The following MED13 variants were observed in gnomAD, a reference collection of about 807,000 sequenced individuals.
MED13 encodes the protein mediator of RNA polymerase II transcription subunit 13.
Under a neutral mutation model 225.2 loss-of-function variants are expected in MED13, and 23 were observed. The ratio of observed to expected loss-of-function variants is 0.10; its 90% CI spans 0.07 to 0.14. The LOEUF is 0.14. Among genes scored for constraint, MED13 ranks in the 10% least tolerant of loss-of-function variants. MED13 has a pLI of 1.00. For missense variants in MED13, 2,197 were observed against 2,594.5 expected, an observed-to-expected ratio of 0.85 and a Z score of 3.33; for synonymous variants, 942 against 889.2, an observed-to-expected ratio of 1.06 and a Z score of -1.06.
In MED13 at chr17:61,946,227, G is replaced by T; in HGVS notation, c.*241C>A. The T allele has an allele frequency of 5.7e-6, 2 of 352,738 alleles. No homozygotes were observed. Among genetic ancestry groups the T allele is most frequent in the Non-Finnish European group, 1.0e-5 (2 of 198,734 alleles). 21.9% of individuals were successfully genotyped at this position (352,738 alleles called of 1,614,324 possible). On this transcript the variant is annotated 3_prime_UTR_variant, in exon 30 of 30. Transcript: ENST00000397786. ...ACTGGAAAAAAAAAAGGTTAATTTT[G>T]CTACGAAAATGTTATAATACGTTTT...
intron 2 of MED13, among the ~76,000 whole-genome samples, chr17:62,062,019 C>T (rs1234203183): frequency 6.6e-6 from 1 of 152,092 alleles, no homozygotes; most frequent in East Asian, 1.9e-4. Context: ...GTTGGTCTTA[C>T]TAAGTACCAG....
In MED13 at chr17:62,002,582, T is replaced by C. The variant is rs544029904; in HGVS notation, c.1968-7217A>G. Among the ~76,000 whole-genome samples, 6 of 151,924 alleles carry C rather than the reference T, an allele frequency of 3.9e-5. 1 individual carries two copies. In the East Asian group the frequency reaches 5.8e-4, roughly 15 times the overall value. On this transcript the variant is annotated intron_variant, in intron 9 of 29. Coordinates refer to ENST00000397786, the MANE Select transcript of MED13 (RefSeq NM_005121.3). Reference sequence around the variant, plus strand: ...AGGGAACATCATCTAACTTTGTCAATTGGCTGTACCACTTTCTACAAGGAG... The same window carrying C: ...AGGGAACATCATCTAACTTTGTCAACTGGCTGTACCACTTTCTACAAGGAG...
In MED13 at chr17:61,962,852, C is replaced by G. The variant is rs919756115; in HGVS notation, c.4964G>C (p.Ser1655Thr). Reference protein sequence around the residue: ...DPFTYENTDESTNSSSVWTLG... With the variant: ...DPFTYENTDETTNSSSVWTLG... ...TGTCCACACACTAGAAGAGTTAGTG[C>G]TCTCGTCTGTATTTTCGTATGTAAA... The change falls in exon 21 of 30, where the codon AGC becomes ACC. Residue 1655 changes from serine to threonine, a missense_variant. Around this residue, in one of 12 missense-constraint regions of MED13, gnomAD observed 457 missense variants for 442.2 expected, o/e 1.03. Coordinates refer to ENST00000397786, the MANE Select transcript of MED13 (RefSeq NM_005121.3). The G allele has an allele frequency of 3.1e-6, 5 of 1,613,972 alleles. No individual in the cohort carries two copies. In the African/African-American group the frequency reaches 5.3e-5, roughly 17 times the overall value.
At chr17:61,991,876 C>T (rs2080302562) in intron 11 of MED13, among the ~76,000 whole-genome samples, 1 of 152,092 alleles carries the variant, frequency 6.6e-6, no homozygotes, top group Non-Finnish European at 1.5e-5. Flanking sequence ...GAACTCCTGA[C>T]CTCAAGTGAT....
At chr17:61,981,968 C>G (rs1019074910) in intron 16 of MED13, among the ~76,000 whole-genome samples, 137 of 152,276 alleles carry the variant, frequency 9.0e-4, no homozygotes, top group African/African-American at 3.1e-3. Context: ...ATGTGCCTTT[C>G]ATATTCCTAC....
chr17:61,963,202 C>CAAAATAAA (rs2080019882), intron 20 of MED13, among the ~76,000 whole-genome samples: 1 of 55,770 alleles, frequency 1.8e-5, no homozygotes, highest in Non-Finnish European at 3.0e-5. Flanking sequence ...TTAAATTTAC[C>CAAAATAAA]AAAAAAAAAA....
At chr17:62,015,954 ATTTTTTTTT>A (rs869061252) in intron 8 of MED13, among the ~76,000 whole-genome samples, 602 of 12,822 alleles carry the variant, frequency 0.047, 42 homozygotes, top group Admixed American at 0.063. Flanking sequence ...ATATATATAT[ATTTTTTTTT>A]TTTTTTTTTT....
chr17:61,995,803 A>ATT (rs1003675823), intron 9 of MED13, among the ~76,000 whole-genome samples: 1 of 148,932 alleles, frequency 6.7e-6, no homozygotes, highest in Admixed American at 6.7e-5. Flanking sequence ...GTGATTATGT[A>ATT]TTTTTTTTTT....
Position 61,952,182 on chromosome 17 carries a change from C to A in MED13, c.6117+783G>T, listed in dbSNP as rs758426881. On this transcript the variant is annotated intron_variant, in intron 27 of 29. Transcript: ENST00000397786. ...TGCTGGGATTACAGACGTGAGCCAC[C>A]GCGCCCAGCCCAGTATATATAATTT... is the stretch of plus-strand genomic sequence containing the variant. Among the ~76,000 whole-genome samples, 7 of 151,944 alleles carry A rather than the reference C, an allele frequency of 4.6e-5. No individual in the cohort carries two copies. The East Asian group carries it at 5.8e-4, about 13-fold the overall frequency.
chr17:62,042,589 A>C (rs1338384204), intron 3 of MED13, among the ~76,000 whole-genome samples: 2 of 151,024 alleles, frequency 1.3e-5, no homozygotes, highest in Non-Finnish European at 3.0e-5. Flanking sequence ...AACCAAAAAA[A>C]CCCCACAAAA....
chr17:62,029,751 A>G (rs1423017809), intron 7 of MED13, 100 bp from the exon 8 acceptor site: 1 of 1,507,908 alleles, frequency 6.6e-7, no homozygotes, highest in Admixed American at 2.0e-5. Context: ...ATTATGAGTT[A>G]AAGAAAAATC....
In MED13 at chr17:61,950,982, C is replaced by T; in HGVS notation, c.6134G>A (p.Arg2045Gln). 3 of 1,612,630 alleles carry T rather than the reference C, an allele frequency of 1.9e-6. No individual in the cohort carries two copies. Among genetic ancestry groups the T allele is most frequent in the Non-Finnish European group, 2.5e-6 (3 of 1,179,220 alleles). Residue 2045 changes from arginine (R) to glutamine (Q), a missense_variant, in exon 28 of 30, where the codon CGG becomes CAG. Transcript: ENST00000397786. ...GDAGKGQSTD[R>Q]LLSTEPHEEV... is the part of the protein sequence containing the mutation. ...CTCATGAGGTTCTGTTGATAGTAGC[C>T]GATCAGTACTCTGACCCTTAAAAAG...
At chr17:61,953,991 C>T (rs951870144) in intron 26 of MED13, among the ~76,000 whole-genome samples, 3 of 151,948 alleles carry the variant, frequency 2.0e-5, no homozygotes, top group Non-Finnish European at 2.9e-5. Context: ...AGATTAACAA[C>T]GAGAATATTA....
chr17:61,973,044 A>G (rs2080123280), intron 16 of MED13, among the ~76,000 whole-genome samples, 156 bp from the exon 17 acceptor site: 1 of 152,250 alleles, frequency 6.6e-6, no homozygotes, highest in Non-Finnish European at 1.5e-5. Context: ...TAAGTTCTAC[A>G]AGATGATCTG....
intron 28 of MED13, among the ~76,000 whole-genome samples, chr17:61,948,711 C>G (rs978541914): frequency 6.6e-5 from 10 of 151,552 alleles, no homozygotes; most frequent in African/African-American, 2.2e-4. Context: ...CAGGTGTGAG[C>G]CACTGCACCC....
At chr17:62,015,853 T>C (rs1182366234) in intron 8 of MED13, among the ~76,000 whole-genome samples, 1 of 106,930 alleles carries the variant, frequency 9.4e-6, no homozygotes, top group Non-Finnish European at 1.9e-5. Context: ...ACTATATATA[T>C]GTGTATAGTG....
chr17:62,035,811 G>A (rs1324713031), intron 3 of MED13, among the ~76,000 whole-genome samples: 1 of 152,146 alleles, frequency 6.6e-6, no homozygotes, highest in Non-Finnish European at 1.5e-5. Context: ...AGTAGGAAAG[G>A]CTGCAAATAC....
chr17:62,043,986 C>A (rs1179939493), intron 3 of MED13, among the ~76,000 whole-genome samples: 1 of 151,928 alleles, frequency 6.6e-6, no homozygotes, highest in Non-Finnish European at 1.5e-5. Flanking sequence ...CCATAAAAAA[C>A]CTAACAGCAA....
intron 3 of MED13, among the ~76,000 whole-genome samples, chr17:62,048,043 C>CATATACATATATATATATATATAT (rs776069700): frequency 2.3e-5 from 3 of 131,140 alleles, no homozygotes; most frequent in African/African-American, 5.6e-5. Flanking sequence ...TATACATATA[C>CATATACATATATATATATATATAT]ATATATATAT....
Sources: gnomAD v4.1 joint callset for allele counts (sites outside exome capture counted in the v4.1 genomes callset) on GRCh38, gnomAD v4.1.1 for gene constraint, gnomAD v4.1.1 regional missense constraint, MANE v1.5 for transcripts, NCBI Gene and HGNC (gene_info 2026-07-23, HGNC 2026-07-21) for gene names.